PTK7: variants seen among roughly 807,000 people sequenced by gnomAD.
PTK7 encodes the protein protein tyrosine kinase 7 (inactive), also known as inactive tyrosine-protein kinase 7.
In PTK7, 39 loss-of-function variants were observed where a neutral mutation model predicts 116.6. The observed-to-expected ratio is 0.33, with a 90% CI of 0.26 to 0.44. The LOEUF (loss-of-function observed/expected upper bound fraction) is 0.44, where lower values mean the gene tolerates loss of function less well. Among genes scored for constraint, PTK7 ranks in the 20% least tolerant of loss-of-function variants. The pLI, the probability that PTK7 is intolerant of heterozygous loss-of-function variation, is 1.00. For missense variants in PTK7, 1,169 were observed against 1,425.6 expected (o/e 0.82, Z 2.90); for synonymous variants, 546 against 563.6 (o/e 0.97, Z 0.44).
At chr6:43,126,553 G>T (rs1769298537) in intron 1 of PTK7, among the ~76,000 whole-genome samples, 1 of 152,230 alleles carries the variant, frequency 6.6e-6, no homozygotes, top group African/African-American at 2.4e-5. Flanking sequence ...CTACCTGGCA[G>T]TCGGGAATGT....
chr6:43,088,424 G>T (rs907632256), intron 1 of PTK7, among the ~76,000 whole-genome samples: 1 of 152,092 alleles, frequency 6.6e-6, no homozygotes, highest in Admixed American at 6.6e-5. Context: ...GCCAATTGCC[G>T]TGGCTCATAC....
chr6:43,153,784 C>A (rs1413453304), intron 17 of PTK7, among the ~76,000 whole-genome samples: 1 of 151,996 alleles, frequency 6.6e-6, no homozygotes, highest in African/African-American at 2.4e-5. Flanking sequence ...TACCTGTAAT[C>A]GCAGCACTTT....
At chr6:43,083,084 G>A (rs116363087) in intron 1 of PTK7, among the ~76,000 whole-genome samples, 3,458 of 152,316 alleles carry the variant, frequency 0.023, 56 homozygotes, top group Non-Finnish European at 0.034. Flanking sequence ...TCAGACTCTA[G>A]TGTTGGAGCC....
rs1234524542 is a variant in PTK7, at chr6:43,129,901, A to G, written c.470+72A>G. ...GATGTCTCCCCAAATCTTGGACTCTATGCGGATGTTACCTCGCTCCATTCT... is the reference window on the plus strand; with the variant it reads ...GATGTCTCCCCAAATCTTGGACTCTGTGCGGATGTTACCTCGCTCCATTCT... On this transcript the variant is annotated intron_variant, in intron 3 of 19. Transcript: ENST00000230419. This position sits in a 1 kb window ranked among gnomAD's most constrained non-coding sequence, Gnocchi z 4.5. 6.4e-6 allele frequency: 9 copies of G among 1,415,478 alleles called. No individual in the cohort carries two copies. The highest frequency in any genetic ancestry group is 2.3e-5 in the East Asian group (1 of 43,188). The allele number at this position is 1,415,478 out of a possible 1,614,324, so 87.7% of individuals were successfully genotyped here.
In PTK7 at chr6:43,161,022, G is replaced by C. The variant is rs1311951509; in HGVS notation, c.*141G>C. Reference sequence around the variant, plus strand: ...ACAGGCATTGCTGAGGTCTGAGCAGGGCCTGGCCTTTCCTCCTCTTCCTCA... The same window carrying C: ...ACAGGCATTGCTGAGGTCTGAGCAGCGCCTGGCCTTTCCTCCTCTTCCTCA... On this transcript the variant is annotated 3_prime_UTR_variant, in exon 20 of 20. Coordinates refer to ENST00000230419, the MANE Select transcript of PTK7 (RefSeq NM_002821.5). 8.2e-7 allele frequency: 1 copy of C among 1,215,286 alleles called. No homozygotes were observed. The highest frequency in any genetic ancestry group is 1.1e-6 in the Non-Finnish European group (1 of 898,940). 75.3% of individuals were successfully genotyped at this position (1,215,286 alleles called of 1,614,324 possible). A position where few individuals can be genotyped will look rare whatever the true frequency, so the allele number is the denominator to read the frequency against.
Position 43,141,320 on chromosome 6 carries a change from G to A in PTK7, c.1619-348G>A, listed in dbSNP as rs1770391973. The stretch of plus-strand genomic sequence containing the variant: ...GGGGGAACTTTCTGGGAGAGGTGAG[G>A]CTTAAAATGGATCTACAGCCTGGGA... On this transcript the variant is annotated intron_variant, in intron 10 of 19. Coordinates refer to ENST00000230419, the MANE Select transcript of PTK7 (RefSeq NM_002821.5). This position sits in a 1 kb window ranked among gnomAD's most constrained non-coding sequence, Gnocchi z 4.9. 6.6e-6 allele frequency among the ~76,000 whole-genome samples: 1 copy of A among 152,104 alleles called. No homozygotes were observed. Among genetic ancestry groups the A allele is most frequent in the Admixed American group, 6.6e-5 (1 of 15,266 alleles).
rs1770666340 is a variant in PTK7 at position 43,145,359 on chromosome 6, C to T, written c.2567C>T (p.Ala856Val). The T allele has an allele frequency of 6.2e-7, 1 of 1,613,198 alleles. No individual in the cohort carries two copies. The change falls in exon 16 of 20, where the codon GCC (alanine) becomes GTC (valine). Residue 856 changes from alanine to valine, a missense_variant. Ala to Val is a moderately conservative substitution (Grantham distance 64). This residue lies in a region of PTK7 where 678 missense variants were observed against 853.8 expected (regional missense o/e 0.79). Coordinates refer to ENST00000230419, the MANE Select transcript of PTK7 (RefSeq NM_002821.5). The surrounding 1 kb of genome is among the most constrained non-coding windows in gnomAD (Gnocchi z 4.8). ...GAGATGTTTGGGAAGCTGAACCACG[C>T]CAACGTGGTGCGGCTCCTGGGGCTG... is the stretch of plus-strand genomic sequence containing the variant. ...ELEMFGKLNH[A>V]NVVRLLGLCR...
chr6:43,127,846 G>A (rs892303606), intron 1 of PTK7, among the ~76,000 whole-genome samples: 3 of 152,052 alleles, frequency 2.0e-5, no homozygotes, highest in Middle Eastern at 3.4e-3. Flanking sequence ...GGAGAATGGC[G>A]TGAACCCAGG....
At chr6:43,146,491 GC>G in intron 16 of PTK7, 126 bp from the exon 17 acceptor site, 1 of 780,098 alleles carries the variant, frequency 1.3e-6, no homozygotes, top group Non-Finnish European at 2.1e-6. Flanking sequence ...TGGGAAAGGG[GC>G]CCAGGCTAGC....
At chr6:43,159,044 G>C in intron 18 of PTK7, 76 bp downstream of exon 18, 1 of 1,571,824 alleles carries the variant, frequency 6.4e-7, no homozygotes, top group East Asian at 2.3e-5. Context: ...ATAGTTTGGG[G>C]GGTGTGGGAA....
rs994848681 is a variant in PTK7, at chr6:43,076,487, C to T, written c.-2C>T. The T allele has an allele frequency of 1.3e-6, 2 of 1,565,836 alleles. No homozygotes were observed. Among genetic ancestry groups the T allele is most frequent in the African/African-American group, 1.4e-5 (1 of 70,768 alleles). On this transcript the variant is annotated 5_prime_UTR_variant, in exon 1 of 20. Coordinates refer to ENST00000230419, the MANE Select transcript of PTK7 (RefSeq NM_002821.5). This position sits in a 1 kb window ranked among gnomAD's most constrained non-coding sequence, Gnocchi z 5.7. Reference sequence around the variant, plus strand: ...TCAGCTCCTTTTCCTGAGCCCGCCGCGATGGGAGCTGCGCGGGGATCCCCG... The same window carrying T: ...TCAGCTCCTTTTCCTGAGCCCGCCGTGATGGGAGCTGCGCGGGGATCCCCG...
chr6:43,159,720 G>T, intron 18 of PTK7, 68 bp from the exon 19 acceptor site: 2 of 1,525,278 alleles, frequency 1.3e-6, no homozygotes, highest in South Asian at 1.1e-5. Context: ...TCCAGATGGG[G>T]AGATGAGGGT....
chr6:43,079,528 C>G (rs796372803), intron 1 of PTK7, among the ~76,000 whole-genome samples: 68 of 152,004 alleles, frequency 4.5e-4, no homozygotes, highest in African/African-American at 1.6e-3. Flanking sequence ...CAAGGGTGCT[C>G]AAGTCTCTTA....
At chr6:43,146,527 G>C (rs996639171) in intron 16 of PTK7, 91 bp from the exon 17 acceptor site, 57 of 1,249,072 alleles carry the variant, frequency 4.6e-5, no homozygotes, top group Admixed American at 7.1e-5. Context: ...TGCCTCCCCA[G>C]GCAGGAATTC....
chr6:43,090,987 G>T (rs1462305204), intron 1 of PTK7, among the ~76,000 whole-genome samples: 1 of 152,060 alleles, frequency 6.6e-6, no homozygotes. Flanking sequence ...ATTTGCCTCT[G>T]ATGGGTCAGC....
chr6:43,132,820 A>T lies in PTK7; in HGVS notation c.1228+133A>T, dbSNP rs1448978768. The T allele has an allele frequency of 2.4e-6, 3 of 1,272,482 alleles. No homozygotes were observed. The African/African-American group carries it at 4.4e-5, about 19-fold the overall frequency. The allele number at this position is 1,272,482 out of a possible 1,614,324, so 78.8% of individuals were successfully genotyped here. A position where few individuals can be genotyped will look rare whatever the true frequency, so the allele number is the denominator to read the frequency against. ...GCCCTGCAGGCTTGGGAATCAGTTC[A>T]CTACTGGGAGTCGGTGTAGACAGTA... On this transcript the variant is annotated intron_variant, in intron 7 of 19. Transcript: ENST00000230419.
At chr6:43,157,372 T>A (rs1561990687) in intron 17 of PTK7, among the ~76,000 whole-genome samples, 62 of 69,434 alleles carry the variant, frequency 8.9e-4, no homozygotes, top group African/African-American at 1.3e-3. Context: ...ATATTTTTTT[T>A]TTTCTTTTTT....
chr6:43,131,030 CACA>C (rs1561966867), intron 5 of PTK7, among the ~76,000 whole-genome samples: 281 of 9,108 alleles, frequency 0.031, 1 homozygote, highest in African/African-American at 0.09. Flanking sequence ...GCAAAGACAT[CACA>C]CACACACACA....
chr6:43,153,816 T>G (rs1771266527), intron 17 of PTK7, among the ~76,000 whole-genome samples: 1 of 151,710 alleles, frequency 6.6e-6, no homozygotes, highest in Non-Finnish European at 1.5e-5. Flanking sequence ...GTGGAAGGAT[T>G]GCTTGGGCCA....
Sources: gnomAD v4.1 joint callset for allele counts (sites outside exome capture counted in the v4.1 genomes callset) on GRCh38, gnomAD v4.1.1 for gene constraint, gnomAD v4.1.1 regional missense constraint, Gnocchi (gnomAD v3.1) non-coding constraint, MANE v1.5 for transcripts, NCBI Gene and HGNC (gene_info 2026-07-23, HGNC 2026-07-21) for gene names.